Variants in MLYCD observed in about 807,000 individuals in gnomAD.
The protein encoded by MLYCD is malonyl-CoA decarboxylase, also known as malonyl-CoA decarboxylase, mitochondrial.
Under a neutral mutation model 35.8 loss-of-function variants are expected in MLYCD, and 27 were observed. That is an observed-to-expected ratio of 0.75 (90% CI 0.56 to 1.04). MLYCD has a LOEUF of 1.04. Ranked by LOEUF, MLYCD falls within the 50% of genes least tolerant of loss-of-function variation. MLYCD has a pLI of 0.00. For missense variants in MLYCD, 917 were observed against 665.1 expected (o/e 1.38, Z -4.17); for synonymous variants, 403 against 302.4 (o/e 1.33, Z -3.45).
intron 1 of MLYCD, among the ~76,000 whole-genome samples, chr16:83,906,152 C>T (rs906454525): frequency 9.2e-5 from 14 of 152,094 alleles, no homozygotes; most frequent in African/African-American, 2.9e-4. Context: ...TTTGAGAGGC[C>T]GAGGCAGGCA....
intron 1 of MLYCD, among the ~76,000 whole-genome samples, chr16:83,905,633 A>G (rs79029843): frequency 0.048 from 7,270 of 152,286 alleles, 258 homozygotes; most frequent in East Asian, 0.14. Context: ...AGTGGAAAGG[A>G]CAAAGAAAAA....
At position 83,907,018 on chromosome 16, in the gene MLYCD, C is replaced by G. The variant is rs104894528; in HGVS notation, c.560C>G (p.Ser187Ter). Residue 187 changes from serine to a stop codon, truncating the protein, a stop_gained, in exon 2 of 5, where the codon TCA (serine) becomes TGA (stop). Transcript: ENST00000262430. LOFTEE classifies it high-confidence loss of function. ...AATGGGGTGCTGAAAGGAATGCTCT[C>G]AGAATGGTTTTCCTCCGGGTTCCTG... is the stretch of plus-strand genomic sequence containing the variant. ...EMNGVLKGML[S>*]EWFSSGFLNL... The G allele has an allele frequency of 5.1e-5, 82 of 1,614,028 alleles. No individual in the cohort carries two copies. The highest frequency in any genetic ancestry group is 6.4e-5 in the Non-Finnish European group (76 of 1,180,026).
At position 83,899,463 on chromosome 16, in the gene MLYCD, GC is replaced by G; in HGVS notation, c.321del (p.Gly108AlafsTer71). ...VDHGQVAEQS[A>X]GVLHLRQQQR... Reference sequence around the variant, plus strand: ...CCACGGCCAGGTGGCGGAGCAGAGCGCCGGCGTGCTCCATCTGCGCCAGCAG... The same window carrying G: ...CCACGGCCAGGTGGCGGAGCAGAGCGCGGCGTGCTCCATCTGCGCCAGCAG... On this transcript the variant is annotated frameshift_variant, in exon 1 of 5. Transcript: ENST00000262430. LOFTEE classifies it high-confidence loss of function. 1 of 1,537,546 alleles carries G rather than the reference GC, an allele frequency of 6.5e-7. No homozygotes were observed.
Position 83,899,520 on chromosome 16 carries a change from G to T in MLYCD, c.376G>T (p.Glu126Ter), listed in dbSNP as rs1375748581. ...GGAGGCGGCGGTGCTGCTGCAGGCC[G>T]AGGACCGGCTGCGCTACGCGCTGGT... ...QREAAVLLQA[E>*]DRLRYALVPR... Residue 126 changes from glutamate to a stop codon, truncating the protein, a stop_gained, in exon 1 of 5, where the codon GAG becomes TAG. Coordinates refer to ENST00000262430, the MANE Select transcript of MLYCD (RefSeq NM_012213.3). LOFTEE classifies it high-confidence loss of function. 6.3e-7 allele frequency: 1 copy of T among 1,588,940 alleles called. No individual in the cohort carries two copies. The highest frequency in any genetic ancestry group is 8.5e-7 in the Non-Finnish European group (1 of 1,176,194).
At position 83,915,240 on chromosome 16, in the gene MLYCD, C is replaced by T. The variant is rs776527401; in HGVS notation, c.1233C>T (p.His411=). The change falls in exon 5 of 5, where the codon CAC becomes CAT. Residue 411 remains histidine, a synonymous_variant. Transcript: ENST00000262430. ...CCTGGTACCTGTATGGAGAGAAGCA[C>T]CGCGGCTACGCGCTGAACCCCGTGG... ...LCAWYLYGEK[H]RGYALNPVAN... 5.0e-6 allele frequency: 8 copies of T among 1,613,150 alleles called. No homozygotes were observed. Among genetic ancestry groups the T allele is most frequent in the East Asian group, 4.5e-5 (2 of 44,886 alleles).
At position 83,915,734 on chromosome 16, in the gene MLYCD, C is replaced by T. The variant is rs1907361318; in HGVS notation, c.*245C>T. ...AATGAGTGGGTTGCTGTGCTGTCTC[C>T]GGAAGATTCTGTCGTTGCCCTTGGC... is the stretch of plus-strand genomic sequence containing the variant. On this transcript the variant is annotated 3_prime_UTR_variant, in exon 5 of 5. Coordinates refer to ENST00000262430, the MANE Select transcript of MLYCD (RefSeq NM_012213.3). 3.6e-6 allele frequency: 5 copies of T among 1,389,662 alleles called. No homozygotes were observed. The highest frequency in any genetic ancestry group is 1.5e-5 in the South Asian group (1 of 67,604). 86.1% of individuals were successfully genotyped at this position (1,389,662 alleles called of 1,614,324 possible).
chr16:83,908,037 T>C, intron 2 of MLYCD, 89 bp from the exon 3 acceptor site: 10 of 1,535,132 alleles, frequency 6.5e-6, no homozygotes, highest in African/African-American at 1.4e-5. Flanking sequence ...AAGAACTTGT[T>C]TGACTTAGAC....
intron 3 of MLYCD, among the ~76,000 whole-genome samples, chr16:83,910,869 C>G (rs1169976129): frequency 6.6e-6 from 1 of 152,212 alleles, no homozygotes; most frequent in African/African-American, 2.4e-5. Context: ...AGCATTTCTT[C>G]ACTTTGTTGG....
intron 1 of MLYCD, among the ~76,000 whole-genome samples, chr16:83,902,242 C>T (rs8062415): frequency 0.26 from 30,973 of 117,332 alleles, 4,217 homozygotes; most frequent in African/African-American, 0.44. Context: ...TTTTTTTGTT[C>T]ATGTTTATGT....
chr16:83,911,320 C>G (rs745616840), intron 3 of MLYCD, among the ~76,000 whole-genome samples: 2 of 152,244 alleles, frequency 1.3e-5, no homozygotes, highest in Non-Finnish European at 2.9e-5. Context: ...CATGGACTGA[C>G]TACGAGACCT....
At position 83,915,142 on chromosome 16, in the gene MLYCD, C is replaced by T. The variant is rs755915608; in HGVS notation, c.1135C>T (p.Leu379Phe). The T allele has an allele frequency of 6.2e-6, 10 of 1,614,144 alleles. No individual in the cohort carries two copies. The highest frequency in any genetic ancestry group is 7.6e-6 in the Non-Finnish European group (9 of 1,180,052). Reference sequence around the variant, plus strand: ...CATTAACGAGACCCTCAAGCTCCTCCTCAGCAGCAGCGAGTGGGTGCAGTC... The same window carrying T: ...CATTAACGAGACCCTCAAGCTCCTCTTCAGCAGCAGCGAGTGGGTGCAGTC... ...GPINETLKLL[L>F]SSSEWVQSEK... is the part of the protein sequence containing the mutation. Residue 379 changes from leucine (L) to phenylalanine (F), a missense_variant, in exon 5 of 5, where the codon CTC becomes TTC. By Grantham distance (22) the Leu-to-Phe change is conservative (BLOSUM62 0). Transcript: ENST00000262430.
rs1393494941 is a variant in MLYCD at position 83,915,694 on chromosome 16, G to A, written c.*205G>A. 6.9e-7 allele frequency: 1 copy of A among 1,454,296 alleles called. No individual in the cohort carries two copies. Among genetic ancestry groups the A allele is most frequent in the Non-Finnish European group, 9.1e-7 (1 of 1,104,822 alleles). The allele number at this position is 1,454,296 out of a possible 1,614,324, so 90.1% of individuals were successfully genotyped here. ...TGCACCCAGTGCAAGACGGTTGTGG[G>A]TGCGGGTGCACACAAATGAGTGGGT... On this transcript the variant is annotated 3_prime_UTR_variant, in exon 5 of 5. Transcript: ENST00000262430.
intron 1 of MLYCD, among the ~76,000 whole-genome samples, chr16:83,900,582 ATTTTTTTT>A (rs1156957811): frequency 1.7e-5 from 2 of 121,066 alleles, no homozygotes; most frequent in South Asian, 2.7e-4. Context: ...TGCCCGGCTA[ATTTTTTTT>A]TTTTTTTTTT....
In MLYCD at chr16:83,912,277, G is replaced by C. The variant is rs369708416; in HGVS notation, c.858G>C (p.Ala286=). ...AAGAGAAGAACAAAATCACTGCTGC[G>C]ATCTTTTATTCCATCAGCTTGACCC... ...ETEEKNKITA[A]IFYSISLTQQ... The change falls in exon 4 of 5, where the codon GCG becomes GCC. Residue 286 remains alanine, a synonymous_variant. Transcript: ENST00000262430. The C allele has an allele frequency of 3.1e-6, 5 of 1,614,200 alleles. No individual in the cohort carries two copies. Among genetic ancestry groups the C allele is most frequent in the Admixed American group, 1.7e-5 (1 of 60,032 alleles).
In MLYCD at chr16:83,925,660, C is replaced by T. The variant is rs1476512853; in HGVS notation, c.*10171C>T. On this transcript the variant is annotated 3_prime_UTR_variant, in exon 5 of 5. Transcript: ENST00000262430. ...GCCTGCTGTGGCCTGACCCTCCCCTCTGCTTTTCCAGGCCCTCCTGGCACT... is the reference window on the plus strand; with the variant it reads ...GCCTGCTGTGGCCTGACCCTCCCCTTTGCTTTTCCAGGCCCTCCTGGCACT... The T allele has an allele frequency of 6.6e-6, 1 of 152,308 alleles. No individual in the cohort carries two copies. Among genetic ancestry groups the T allele is most frequent in the Non-Finnish European group, 1.5e-5 (1 of 68,258 alleles). The allele number at this position is 152,308 out of a possible 1,614,324, so 9.4% of individuals were successfully genotyped here. A position where few individuals can be genotyped will look rare whatever the true frequency, so the allele number is the denominator to read the frequency against.
intron 1 of MLYCD, among the ~76,000 whole-genome samples, chr16:83,902,466 A>T (rs1010844108): frequency 6.7e-6 from 1 of 149,718 alleles, no homozygotes; most frequent in African/African-American, 2.5e-5. Flanking sequence ...CACCAGAATC[A>T]CTTAATGTGG....
In MLYCD at chr16:83,920,003, AAC is replaced by A. The variant is rs1436299195; in HGVS notation, c.*4519_*4520del. On this transcript the variant is annotated 3_prime_UTR_variant, in exon 5 of 5. Coordinates refer to ENST00000262430, the MANE Select transcript of MLYCD (RefSeq NM_012213.3). ...ACACGCAGTGCACAGGACACAACAG[AAC>A]ACACGTGCACAGGAGAACACAGTAC... 6.6e-6 allele frequency: 1 copy of A among 151,726 alleles called. No homozygotes were observed. The highest frequency in any genetic ancestry group is 2.4e-5 in the African/African-American group (1 of 41,008). 9.4% of individuals were successfully genotyped at this position (151,726 alleles called of 1,614,324 possible).
intron 1 of MLYCD, among the ~76,000 whole-genome samples, chr16:83,902,499 A>T (rs1597287917): frequency 8.1e-6 from 1 of 123,464 alleles, no homozygotes; most frequent in Admixed American, 1.1e-4. Flanking sequence ...TATTTTTTTA[A>T]TCTGATTTTT....
rs920284277 is a variant in MLYCD at position 83,915,581 on chromosome 16, A to G, written c.*92A>G. ...GTTATGTATCTGAAGCAGCTTTCCAAGCAAAGCCAAAGTTGACTGTGTTCT... is the reference window on the plus strand; with the variant it reads ...GTTATGTATCTGAAGCAGCTTTCCAGGCAAAGCCAAAGTTGACTGTGTTCT... On this transcript the variant is annotated 3_prime_UTR_variant, in exon 5 of 5. Coordinates refer to ENST00000262430, the MANE Select transcript of MLYCD (RefSeq NM_012213.3). 1.9e-5 allele frequency: 29 copies of G among 1,552,774 alleles called. No individual in the cohort carries two copies. Among genetic ancestry groups the G allele is most frequent in the Non-Finnish European group, 2.3e-5 (27 of 1,156,980 alleles).
Sources: gnomAD v4.1 joint callset for allele counts (sites outside exome capture counted in the v4.1 genomes callset) on GRCh38, gnomAD v4.1.1 for gene constraint, MANE v1.5 for transcripts, NCBI Gene and HGNC (gene_info 2026-07-23, HGNC 2026-07-21) for gene names.